CRB1: variants seen among roughly 807,000 people sequenced by gnomAD.
The protein encoded by CRB1 is crumbs cell polarity complex component 1.
In CRB1, 83 loss-of-function variants were observed where a neutral mutation model predicts 120.0. That is an observed-to-expected ratio of 0.69 (90% CI 0.58 to 0.83). CRB1 has a LOEUF of 0.83. Among genes scored for constraint, CRB1 ranks in the 40% least tolerant of loss-of-function variants. The pLI is 0.00. For missense variants in CRB1, 1,699 were observed against 1,687.6 expected, an observed-to-expected ratio of 1.01 and a Z score of -0.12; for synonymous variants, 625 against 612.5, an observed-to-expected ratio of 1.02 and a Z score of -0.30.
At chr1:197,205,099 G>C in the CRB1 span, among the ~76,000 whole-genome samples, 2 of 152,144 alleles carry the variant, frequency 1.3e-5, no homozygotes, top group South Asian at 2.1e-4. Flanking sequence ...ACTGATTTGT[G>C]TACATTAATT....
chr1:197,288,301 C>G (rs898765246), intron 1 of CRB1, among the ~76,000 whole-genome samples: 1 of 151,832 alleles, frequency 6.6e-6, no homozygotes, highest in South Asian at 2.1e-4. Context: ...AGTAGCCAGA[C>G]TGAATAACTT....
At chr1:197,219,907 T>C in the CRB1 span, among the ~76,000 whole-genome samples, 2 of 152,240 alleles carry the variant, frequency 1.3e-5, no homozygotes, top group African/African-American at 4.8e-5. Flanking sequence ...TCTTACATAT[T>C]TTCATCCTTC....
At chr1:197,228,840 C>G in the CRB1 span, among the ~76,000 whole-genome samples, 1 of 152,264 alleles carries the variant, frequency 6.6e-6, no homozygotes, top group Non-Finnish European at 1.5e-5. Context: ...GGGGAGGCCT[C>G]AGAATCATGG....
chr1:197,334,595 C>T (rs533898150), intron 2 of CRB1, among the ~76,000 whole-genome samples: 43 of 152,260 alleles, frequency 2.8e-4, no homozygotes, highest in African/African-American at 1.0e-3. Context: ...GGGGATTTAC[C>T]AGACACCAAG....
At chr1:197,319,007 G>A (rs1428342209) in intron 1 of CRB1, among the ~76,000 whole-genome samples, 1 of 151,856 alleles carries the variant, frequency 6.6e-6, no homozygotes, top group Non-Finnish European at 1.5e-5. Flanking sequence ...AATGATAAAT[G>A]TTATCAGAAA....
intron 5 of CRB1, among the ~76,000 whole-genome samples, chr1:197,415,641 C>CTTTTTTTTTTTTTTTTTTT (rs55654070): frequency 1.8e-4 from 17 of 94,012 alleles, no homozygotes; most frequent in Non-Finnish European, 2.9e-4. Flanking sequence ...TTTTTCTTTT[C>CTTTTTTTTTTTTTTTTTTT]TTTTTTTTTT....
At position 197,356,832 on chromosome 1, in the gene CRB1, A is replaced by G; in HGVS notation, c.990A>G (p.Gly330=). 1 of 1,613,962 alleles carries G rather than the reference A, an allele frequency of 6.2e-7. No individual in the cohort carries two copies. The highest frequency in any genetic ancestry group is 1.1e-5 in the South Asian group (1 of 91,078). ...VDNYTCHCWP[G]YTGAQCEIDL... is the part of the protein sequence containing the mutation. ...CTTCTCTGAATTTTCATCATGCAGG[A>G]TACACAGGTGCCCAGTGTGAGATCG... is the stretch of plus-strand genomic sequence containing the variant. Residue 330 remains glycine, a splice_region_variant and synonymous_variant, in exon 5 of 12, where the codon GGA becomes GGG. Transcript: ENST00000367400.
the CRB1 span, among the ~76,000 whole-genome samples, chr1:197,225,577 G>GTT: frequency 6.6e-6 from 1 of 152,212 alleles, no homozygotes; most frequent in East Asian, 1.9e-4. Flanking sequence ...AATGTTAAGT[G>GTT]TAAGTGTTGT....
chr1:197,330,480 C>T (rs1196114884), intron 2 of CRB1, among the ~76,000 whole-genome samples: 3 of 152,182 alleles, frequency 2.0e-5, no homozygotes, highest in Non-Finnish European at 4.4e-5. Context: ...TGACAGTGGC[C>T]ATGTCCTCAC....
intron 6 of CRB1, among the ~76,000 whole-genome samples, chr1:197,426,041 G>A (rs1373300856): frequency 6.6e-6 from 1 of 151,276 alleles, no homozygotes; most frequent in Non-Finnish European, 1.5e-5. Flanking sequence ...TATCCAAAAA[G>A]GCATCTCAAA....
Position 197,291,292 on chromosome 1 carries a change from A to T in CRB1, c.70+22810A>T, listed in dbSNP as rs115577734. ...ATGTGTCTTTTATCCCATTCTAACGAATTGATTTTTACTTTATTCAACACT... is the reference window on the plus strand; with the variant it reads ...ATGTGTCTTTTATCCCATTCTAACGTATTGATTTTTACTTTATTCAACACT... On this transcript the variant is annotated intron_variant, in intron 1 of 11. Coordinates refer to ENST00000367400, the MANE Select transcript of CRB1 (RefSeq NM_201253.3). Among the ~76,000 whole-genome samples, 1,445 of 151,994 alleles carry T rather than the reference A, an allele frequency of 9.5e-3. 22 individuals are homozygous for T. The highest frequency in any genetic ancestry group is 0.039 in the South Asian group (188 of 4,830).
intron 1 of CRB1, among the ~76,000 whole-genome samples, chr1:197,290,500 C>T (rs561150878): frequency 1.3e-5 from 2 of 151,454 alleles, no homozygotes; most frequent in African/African-American, 4.8e-5. Flanking sequence ...GTTTCACATC[C>T]CCCCAGCTCC....
At chr1:197,320,810 T>C (rs889330739) in intron 1 of CRB1, among the ~76,000 whole-genome samples, 7 of 152,210 alleles carry the variant, frequency 4.6e-5, no homozygotes, top group Admixed American at 1.3e-4. Context: ...AAACTATTAA[T>C]TAAATTAATT....
chr1:197,353,237 A>C (rs1242692832), intron 4 of CRB1, among the ~76,000 whole-genome samples: 1 of 152,216 alleles, frequency 6.6e-6, no homozygotes, highest in East Asian at 1.9e-4. Flanking sequence ...ATTGAGTAAG[A>C]GTTAGCCAAG....
intron 5 of CRB1, among the ~76,000 whole-genome samples, chr1:197,377,952 T>C (rs955732067): frequency 3.3e-5 from 5 of 152,220 alleles, no homozygotes; most frequent in African/African-American, 1.2e-4. Flanking sequence ...CCCGGCACTA[T>C]CTTTGAGTCA....
intron 7 of CRB1, among the ~76,000 whole-genome samples, 174 bp from the exon 8 acceptor site, chr1:197,429,275 G>A (rs1664754744): frequency 6.6e-6 from 1 of 152,056 alleles, no homozygotes. Context: ...GAAAGGAGTT[G>A]GTAATGGCAG....
intron 1 of CRB1, among the ~76,000 whole-genome samples, chr1:197,272,310 T>G (rs1181068294): frequency 6.6e-6 from 1 of 152,144 alleles, no homozygotes; most frequent in Admixed American, 6.5e-5. Flanking sequence ...TCCTCATAAA[T>G]GAAATAATCT....
Position 197,301,587 on chromosome 1 carries a change from G to A in CRB1, c.71-26835G>A, listed in dbSNP as rs191360910. Among the ~76,000 whole-genome samples, 432 of 152,314 alleles carry A rather than the reference G, an allele frequency of 2.8e-3. 1 individual carries two copies. The highest frequency in any genetic ancestry group is 5.1e-3 in the Non-Finnish European group (347 of 68,018). On this transcript the variant is annotated intron_variant, in intron 1 of 11. Transcript: ENST00000367400. The stretch of plus-strand genomic sequence containing the variant: ...CTGGGAAGGATTCATCATTCTAGGT[G>A]CCATTCAGAACATTTGTAGGTGCCT...
chr1:197,451,780 C>G (rs911264540), intron 11 of CRB1, among the ~76,000 whole-genome samples: 4 of 152,186 alleles, frequency 2.6e-5, no homozygotes, highest in Non-Finnish European at 5.9e-5. Flanking sequence ...TTGCGCTTTT[C>G]TTCTTAATGT....
Sources: allele counts gnomAD v4.1 joint callset (sites outside exome capture counted in the v4.1 genomes callset), GRCh38; gene constraint gnomAD v4.1.1; transcripts MANE v1.5; gene names NCBI Gene and HGNC (gene_info 2026-07-23, HGNC 2026-07-21).